Variants in KCNK18 observed in about 807,000 individuals in gnomAD.
KCNK18 encodes the protein potassium two pore domain channel subfamily K member 18.
A neutral mutation model predicts 11.8 loss-of-function variants in KCNK18; 8 were observed. The ratio of observed to expected loss-of-function variants is 0.68; its 90% CI spans 0.40 to 1.22. The LOEUF (loss-of-function observed/expected upper bound fraction) is 1.22. KCNK18 is among the 50% of genes most tolerant of loss of function. The pLI is 0.01. For missense variants in KCNK18, 442 were observed against 465.4 expected, an observed-to-expected ratio of 0.95 and a Z score of 0.46; for synonymous variants, 208 against 185.8, an observed-to-expected ratio of 1.12 and a Z score of -0.97.
Position 117,201,222 on chromosome 10 carries a change from A to T in KCNK18, c.287A>T (p.Asn96Ile). The change falls in exon 2 of 3, where the codon AAC (asparagine) becomes ATC (isoleucine). Residue 96 changes from asparagine to isoleucine, a missense_variant. Asn to Ile is a moderately radical substitution (Grantham distance 149, BLOSUM62 -3). Transcript: ENST00000334549. ...HLQKVKPQWFNRTTHWSFLSS... is the reference protein window; with the variant it reads ...HLQKVKPQWFIRTTHWSFLSS... ...CAGAAGGTGAAGCCTCAGTGGTTTA[A>T]CAGGACCACACACTGGTCCTTCCTG... 6.2e-7 allele frequency: 1 copy of T among 1,614,068 alleles called. No individual in the cohort carries two copies. The highest frequency in any genetic ancestry group is 8.5e-7 in the Non-Finnish European group (1 of 1,179,902).
At chr10:117,208,027 G>C (rs972420995) in intron 2 of KCNK18, among the ~76,000 whole-genome samples, 2 of 152,180 alleles carry the variant, frequency 1.3e-5, no homozygotes, top group Non-Finnish European at 2.9e-5. Flanking sequence ...CAAGGGGAGG[G>C]GAGGGGCTCC....
At position 117,202,594 on chromosome 10, in the gene KCNK18, GTC is replaced by G. The variant is rs1855026154; in HGVS notation, c.352+1313_352+1314del. Among the ~76,000 whole-genome samples the G allele has an allele frequency of 2.0e-5, 3 of 152,324 alleles. No individual in the cohort carries two copies. The South Asian group carries it at 6.2e-4, about 32-fold the overall frequency. On this transcript the variant is annotated intron_variant, in intron 2 of 2. Coordinates refer to ENST00000334549, the MANE Select transcript of KCNK18 (RefSeq NM_181840.1). Reference sequence around the variant, plus strand: ...TGTGTCTTATACAGAAAGGGCTGCTGTCTCTCTGCATGGTTCATCAGCCATGA... The same window carrying G: ...TGTGTCTTATACAGAAAGGGCTGCTGTCTCTGCATGGTTCATCAGCCATGA...
chr10:117,202,807 C>T (rs1212738600), intron 2 of KCNK18, among the ~76,000 whole-genome samples: 1 of 151,352 alleles, frequency 6.6e-6, no homozygotes, highest in Admixed American at 6.6e-5. Flanking sequence ...GTGTCTGCTG[C>T]ACCCAGCTTC....
chr10:117,201,904 C>T (rs1855017633), intron 2 of KCNK18, among the ~76,000 whole-genome samples: 2 of 152,218 alleles, frequency 1.3e-5, no homozygotes, highest in South Asian at 4.1e-4. Flanking sequence ...CTGGCTGGCC[C>T]ATCCCCAGCT....
chr10:117,201,454 G>T (rs948495579), intron 2 of KCNK18, among the ~76,000 whole-genome samples, 167 bp downstream of exon 2: 1 of 152,164 alleles, frequency 6.6e-6, no homozygotes, highest in Admixed American at 6.5e-5. Context: ...CAGCTGCGCT[G>T]GCCGACACCT....
At chr10:117,201,081 C>G in intron 1 of KCNK18, 78 bp from the exon 2 acceptor site, 2 of 1,567,678 alleles carry the variant, frequency 1.3e-6, no homozygotes, top group South Asian at 2.2e-5. Flanking sequence ...TTGGGGAAGA[C>G]TATCCCTTTC....
chr10:117,202,885 G>GTTTTTTTTTTT lies in KCNK18; in HGVS notation c.352+1598_352+1599insTTTTTTTTTTT, dbSNP rs750157980. The stretch of plus-strand genomic sequence containing the variant: ...CGTGGTTTCTCCCATTTGCCTGAAT[G>GTTTTTTTTTTT]CTTTTTTTTTTTTTTTTTTTTTTGA... On this transcript the variant is annotated intron_variant, in intron 2 of 2. Transcript: ENST00000334549. Among the ~76,000 whole-genome samples the GTTTTTTTTTTT allele has an allele frequency of 8.9e-4, 99 of 111,236 alleles. 12 individuals carry two copies. The highest frequency in any genetic ancestry group is 9.4e-4 in the Non-Finnish European group (54 of 57,252). 73.0% of individuals were successfully genotyped at this position (111,236 alleles called of 152,430 possible). A position where few individuals can be genotyped will look rare whatever the true frequency, so the allele number is the denominator to read the frequency against.
chr10:117,197,563 C>T lies in KCNK18; in HGVS notation c.75C>T (p.Cys25=). 1 of 1,614,256 alleles carries T rather than the reference C, an allele frequency of 6.2e-7. No individual in the cohort carries two copies. The highest frequency in any genetic ancestry group is 8.5e-7 in the Non-Finnish European group (1 of 1,180,046). ...TGGGAAAGCTCTTCCCTGGCCTCTG[C>T]TTCCTCTGCTTTCTGGTGACCTACG... The part of the protein sequence containing the change: ...EALGKLFPGL[C]FLCFLVTYAL... The change falls in exon 1 of 3, where the codon TGC becomes TGT. Residue 25 remains cysteine, a synonymous_variant. Transcript: ENST00000334549.
intron 2 of KCNK18, among the ~76,000 whole-genome samples, chr10:117,206,049 A>T (rs1007618780): frequency 1.3e-5 from 2 of 152,016 alleles, no homozygotes; most frequent in Non-Finnish European, 2.9e-5. Context: ...GCAAGATCTC[A>T]TCTTAAAAAA....
chr10:117,204,275 A>AG (rs918611352), intron 2 of KCNK18, among the ~76,000 whole-genome samples: 1 of 151,022 alleles, frequency 6.6e-6, no homozygotes, highest in Non-Finnish European at 1.5e-5. Flanking sequence ...AGTCTCAAAA[A>AG]AAAAAAAAAA....
chr10:117,208,743 C>CT (rs3981214), intron 2 of KCNK18, among the ~76,000 whole-genome samples: 77,377 of 143,148 alleles, frequency 0.54, 22,608 homozygotes, highest in Non-Finnish European at 0.67. Context: ...ACAAGGGTAG[C>CT]TTTTTTTTTT....
rs1456162168 is a variant in KCNK18, at chr10:117,209,883, A to G, written c.739A>G (p.Met247Val). 10 of 1,614,094 alleles carry G rather than the reference A, an allele frequency of 6.2e-6. No homozygotes were observed. Among genetic ancestry groups the G allele is most frequent in the South Asian group, 1.1e-5 (1 of 91,094 alleles). Residue 247 changes from methionine (M) to valine (V), a missense_variant, in exon 3 of 3, where the codon ATG (methionine) becomes GTG (valine). By Grantham distance (21) the Met-to-Val change is conservative. Coordinates refer to ENST00000334549, the MANE Select transcript of KCNK18 (RefSeq NM_181840.1). ...CACACTGCAACTGCCCCCACAAGCCATGGAGAGGAGTAACTCGTGTCCCGA... is the reference window on the plus strand; with the variant it reads ...CACACTGCAACTGCCCCCACAAGCCGTGGAGAGGAGTAACTCGTGTCCCGA... ...QNTLQLPPQA[M>V]ERSNSCPELV...
At chr10:117,199,247 G>A (rs889702152) in intron 1 of KCNK18, among the ~76,000 whole-genome samples, 4 of 152,202 alleles carry the variant, frequency 2.6e-5, no homozygotes, top group African/African-American at 7.2e-5. Context: ...TTGAGCCTAC[G>A]AGTTTGAGGC....
chr10:117,210,256 T>G lies in KCNK18; in HGVS notation c.1112T>G (p.Leu371Arg), dbSNP rs757773431. The change falls in exon 3 of 3, where the codon CTA becomes CGA. Residue 371 changes from leucine to arginine, a missense_variant. Leu to Arg is a moderately radical substitution (Grantham distance 102). Transcript: ENST00000334549. ...ATTGACATATACAAAAATGTTATGC[T>G]ATTCTTTGCAAAAGGGAAGTTTTAC... ...RLIDIYKNVM[L>R]FFAKGKFYHL... is the part of the protein sequence containing the mutation. 1.2e-6 allele frequency: 2 copies of G among 1,614,040 alleles called. No individual in the cohort carries two copies. Among genetic ancestry groups the G allele is most frequent in the East Asian group, 2.2e-5 (1 of 44,898 alleles).
chr10:117,204,472 A>C (rs1455266526), intron 2 of KCNK18, among the ~76,000 whole-genome samples: 4 of 152,148 alleles, frequency 2.6e-5, no homozygotes, highest in Non-Finnish European at 4.4e-5. Context: ...CCATTATGAC[A>C]GCCACAATAG....
At chr10:117,206,357 T>C (rs1242931645) in intron 2 of KCNK18, among the ~76,000 whole-genome samples, 2 of 152,128 alleles carry the variant, frequency 1.3e-5, no homozygotes, top group Non-Finnish European at 2.9e-5. Context: ...TCCTCTTCTC[T>C]GTGTAAAATA....
rs1211706443 is a variant in KCNK18, at chr10:117,201,232, A to G, written c.297A>G (p.Thr99=). The change falls in exon 2 of 3, where the codon ACA becomes ACG. Residue 99 remains threonine, a synonymous_variant. Coordinates refer to ENST00000334549, the MANE Select transcript of KCNK18 (RefSeq NM_181840.1). The stretch of plus-strand genomic sequence containing the variant: ...AGCCTCAGTGGTTTAACAGGACCAC[A>G]CACTGGTCCTTCCTGAGCTCGCTCT... ...KVKPQWFNRT[T]HWSFLSSLFF... The G allele has an allele frequency of 1.2e-6, 2 of 1,613,596 alleles. No homozygotes were observed. The highest frequency in any genetic ancestry group is 1.7e-6 in the Non-Finnish European group (2 of 1,179,486).
chr10:117,209,435 G>A, intron 2 of KCNK18, 62 bp from the exon 3 acceptor site: 1 of 1,391,692 alleles, frequency 7.2e-7, no homozygotes, highest in Non-Finnish European at 1.0e-6. Context: ...TCTCTTTAAA[G>A]CTTTTGGGGG....
Position 117,210,079 on chromosome 10 carries a change from A to G in KCNK18, c.935A>G (p.Asn312Ser). ...TGGGAGACACAGTTGGATTTCGAGA[A>G]TGCCTTCTATTTCTGCTTTGTCACA... ...PFWETQLDFENAFYFCFVTLT... is the reference protein window; with the variant it reads ...PFWETQLDFESAFYFCFVTLT... The change falls in exon 3 of 3, where the codon AAT becomes AGT. Residue 312 changes from asparagine (N) to serine (S), a missense_variant. Asn to Ser is a conservative substitution (Grantham distance 46). Transcript: ENST00000334549. 6.2e-7 allele frequency: 1 copy of G among 1,614,140 alleles called. No individual in the cohort carries two copies. Among genetic ancestry groups the G allele is most frequent in the East Asian group, 2.2e-5 (1 of 44,876 alleles).
Sources: allele counts gnomAD v4.1 joint callset (sites outside exome capture counted in the v4.1 genomes callset), GRCh38; gene constraint gnomAD v4.1.1; transcripts MANE v1.5; gene names NCBI Gene and HGNC (gene_info 2026-07-23, HGNC 2026-07-21).